KSR2: variants seen among roughly 807,000 people sequenced by gnomAD.
KSR2 encodes the protein kinase suppressor of ras 2.
Under a neutral mutation model 107.8 loss-of-function variants are expected in KSR2, and 25 were observed. That is an observed-to-expected ratio of 0.23 (90% confidence interval 0.17 to 0.32). The LOEUF (loss-of-function observed/expected upper bound fraction) is 0.32, where lower values mean the gene tolerates loss of function less well. KSR2 is among the 10% of genes least tolerant of loss of function. The pLI is 1.00. For synonymous variants in KSR2, 480 were observed against 507.0 expected, an observed-to-expected ratio of 0.95 and a Z score of 0.71; for missense variants, 887 against 1,268.9, an observed-to-expected ratio of 0.70 and a Z score of 4.57.
chr12:117,524,234 C>A (rs1250535355), intron 14 of KSR2, among the ~76,000 whole-genome samples: 1 of 152,180 alleles, frequency 6.6e-6, no homozygotes, highest in Non-Finnish European at 1.5e-5. Context: ...GTTGAATATA[C>A]TCATTTCACA....
At chr12:117,636,665 G>C (rs1462738596) in intron 5 of KSR2, among the ~76,000 whole-genome samples, 1 of 152,202 alleles carries the variant, frequency 6.6e-6, no homozygotes, top group African/African-American at 2.4e-5. Context: ...ATTCCAGGTT[G>C]ATTAAGAGCT....
chr12:117,672,516 C>T (rs1884952773), intron 4 of KSR2, among the ~76,000 whole-genome samples: 1 of 152,168 alleles, frequency 6.6e-6, no homozygotes, highest in African/African-American at 2.4e-5. Flanking sequence ...ATGTCACCTG[C>T]TATTAAAGTC....
intron 1 of KSR2, among the ~76,000 whole-genome samples, chr12:117,881,807 G>A (rs1487540360): frequency 6.6e-6 from 1 of 152,178 alleles, no homozygotes; most frequent in African/African-American, 2.4e-5. Context: ...CATAGGCCAA[G>A]GTTGAGAATT....
Position 117,524,994 on chromosome 12 carries a change from G to A in KSR2, c.2077C>T (p.Leu693=). ...GRWHGEVAIR[L]IDIERDNEDQ... is the part of the protein sequence containing the mutation. ...TCGTTGTCCCTCTCAATGTCAATCA[G>A]CCGGATGGCCACCTCGCCATGCCAG... The change falls in exon 14 of 20, where the codon CTG becomes TTG. Residue 693 remains leucine, a synonymous_variant. Transcript: ENST00000339824. The A allele has an allele frequency of 6.2e-7, 1 of 1,613,856 alleles. No individual in the cohort carries two copies. The highest frequency in any genetic ancestry group is 1.1e-5 in the South Asian group (1 of 91,066).
At chr12:117,740,674 T>A (rs1888185883) in intron 4 of KSR2, among the ~76,000 whole-genome samples, 1 of 134,756 alleles carries the variant, frequency 7.4e-6, no homozygotes, top group African/African-American at 2.6e-5. Context: ...ATATATATAA[T>A]ATATATACAC....
In KSR2 at chr12:117,476,484, G is replaced by T. The variant is rs1408398193; in HGVS notation, c.2562C>A (p.His854Gln). ...CTTACCCAAGGGCAAAGACGTCAGA[G>T]TGCTTGGAGAAGGGGAGCTTATCCT... is the stretch of plus-strand genomic sequence containing the variant. ...TEEDKLPFSK[H>Q]SDVFALGTIW... Residue 854 changes from histidine (H) to glutamine (Q), a missense_variant, in exon 17 of 20, where the codon CAC (histidine) becomes CAA (glutamine). Physicochemically the swap from His to Gln is conservative, Grantham distance 24. Transcript: ENST00000339824. 1 of 1,604,402 alleles carries T rather than the reference G, an allele frequency of 6.2e-7. No individual in the cohort carries two copies. The highest frequency in any genetic ancestry group is 1.3e-5 in the African/African-American group (1 of 74,818).
intron 5 of KSR2, among the ~76,000 whole-genome samples, chr12:117,656,375 C>T (rs926811481): frequency 6.6e-6 from 1 of 152,032 alleles, no homozygotes; most frequent in Non-Finnish European, 1.5e-5. Flanking sequence ...TTTGGGAGGC[C>T]GAGGTGGGTG....
intron 4 of KSR2, among the ~76,000 whole-genome samples, chr12:117,729,430 C>T (rs186353141): frequency 2.6e-5 from 4 of 152,188 alleles, no homozygotes; most frequent in East Asian, 1.9e-4. Flanking sequence ...AGAGATCTGT[C>T]GAAAGGAATG....
intron 4 of KSR2, among the ~76,000 whole-genome samples, chr12:117,753,819 A>T (rs200451537): frequency 0.33 from 18,898 of 56,476 alleles, 1,324 homozygotes; most frequent in African/African-American, 0.42. Context: ...ATGAAAGTTA[A>T]AAAAAAAAAA....
At chr12:117,650,840 T>C (rs1295171174) in intron 5 of KSR2, among the ~76,000 whole-genome samples, 1 of 152,182 alleles carries the variant, frequency 6.6e-6, no homozygotes, top group Non-Finnish European at 1.5e-5. Context: ...CAGAAACAGA[T>C]ACTGAACCTC....
intron 1 of KSR2, among the ~76,000 whole-genome samples, chr12:117,892,857 G>A (rs1004693697): frequency 6.9e-6 from 1 of 145,166 alleles, no homozygotes. Context: ...TTTATAAATA[G>A]TATTGCATCT....
chr12:117,493,473 G>A (rs976936293), intron 14 of KSR2, among the ~76,000 whole-genome samples: 2 of 152,104 alleles, frequency 1.3e-5, no homozygotes, highest in Non-Finnish European at 1.5e-5. Context: ...CCATCTCCGA[G>A]CCTTTGCCTC....
At chr12:117,669,571 TA>T (rs5801247) in intron 4 of KSR2, among the ~76,000 whole-genome samples, 222 of 147,750 alleles carry the variant, frequency 1.5e-3, no homozygotes, top group African/African-American at 3.9e-3. Context: ...TTGCTAAAAT[TA>T]AAAAAAAAAA....
chr12:117,787,407 C>T (rs916171756), intron 3 of KSR2, among the ~76,000 whole-genome samples: 3 of 152,018 alleles, frequency 2.0e-5, no homozygotes, highest in African/African-American at 4.8e-5. Flanking sequence ...CCACGGCGGG[C>T]GGATCATCTG....
At chr12:117,731,906 G>A (rs562630902) in intron 4 of KSR2, among the ~76,000 whole-genome samples, 2 of 139,986 alleles carry the variant, frequency 1.4e-5, no homozygotes, top group Non-Finnish European at 3.2e-5. Flanking sequence ...GCGGAAGGCC[G>A]CAGGGTCCTG....
At chr12:117,525,485 A>C (rs1213284194) in intron 13 of KSR2, among the ~76,000 whole-genome samples, 1 of 151,810 alleles carries the variant, frequency 6.6e-6, no homozygotes, top group Non-Finnish European at 1.5e-5. Context: ...GAGAAGTGTT[A>C]TAGGGATCGC....
chr12:117,489,214 C>T (rs977395132), intron 14 of KSR2, among the ~76,000 whole-genome samples: 1 of 151,936 alleles, frequency 6.6e-6, no homozygotes, highest in Admixed American at 6.6e-5. Context: ...TGGGGGAAGG[C>T]AGTGTTCTGT....
intron 1 of KSR2, among the ~76,000 whole-genome samples, chr12:117,886,497 A>C (rs2137340329): frequency 6.6e-6 from 1 of 152,176 alleles, no homozygotes; most frequent in Non-Finnish European, 1.5e-5. Flanking sequence ...AGTATTCAGT[A>C]CAGTAACATG....
chr12:117,869,244 C>T lies in KSR2; in HGVS notation c.181-8813G>A, dbSNP rs143117297. Among the ~76,000 whole-genome samples, 743 of 152,090 alleles carry T rather than the reference C, an allele frequency of 4.9e-3. 13 individuals are homozygous for T. The highest frequency in any genetic ancestry group is 0.017 in the African/African-American group (706 of 41,512). On this transcript the variant is annotated intron_variant, in intron 1 of 19. Transcript: ENST00000339824. ...AAAATTAGATGGGTGTGGTGGCGGG[C>T]GCCTATAATCCCAGCTACTCAGGAG...
Sources: gnomAD v4.1 joint callset for allele counts (sites outside exome capture counted in the v4.1 genomes callset) on GRCh38, gnomAD v4.1.1 for gene constraint, MANE v1.5 for transcripts, NCBI Gene and HGNC (gene_info 2026-07-23, HGNC 2026-07-21) for gene names.